The following TTLL11 variants were observed in gnomAD, a reference collection of about 807,000 sequenced individuals.
TTLL11 encodes tubulin tyrosine ligase like 11.
Under a neutral mutation model 51.7 loss-of-function variants are expected in TTLL11, and 42 were observed. The observed-to-expected ratio is 0.81, with a 90% CI of 0.64 to 1.05. The LOEUF (loss-of-function observed/expected upper bound fraction) is 1.05. TTLL11 is among the 50% of genes least tolerant of loss of function. The probability of loss-of-function intolerance (pLI) is 0.00; values close to 1 mark genes in which losing one functional copy is unlikely to be tolerated. For synonymous variants in TTLL11, 381 were observed against 383.5 expected (o/e 0.99, Z 0.08); for missense variants, 799 against 940.4 (o/e 0.85, Z 1.97).
intron 3 of TTLL11, among the ~76,000 whole-genome samples, chr9:122,027,300 T>A (rs1168427616): frequency 6.6e-6 from 1 of 152,078 alleles, no homozygotes; most frequent in Non-Finnish European, 1.5e-5. Flanking sequence ...GAATTACAAT[T>A]CAACATGAGA....
intron 6 of TTLL11, among the ~76,000 whole-genome samples, chr9:121,968,307 C>T (rs534891693): frequency 6.6e-6 from 1 of 152,288 alleles, no homozygotes; most frequent in East Asian, 1.9e-4. Context: ...ATGTTTTCCT[C>T]CTTCAGGAGC....
intron 6 of TTLL11, among the ~76,000 whole-genome samples, chr9:121,896,158 G>A (rs1201847427): frequency 6.6e-6 from 1 of 152,092 alleles, no homozygotes; most frequent in East Asian, 1.9e-4. Flanking sequence ...ATCTCTAACT[G>A]AGTAAGCAGG....
intron 6 of TTLL11, among the ~76,000 whole-genome samples, chr9:121,934,472 G>A (rs1398185254): frequency 6.6e-6 from 1 of 152,186 alleles, no homozygotes; most frequent in Non-Finnish European, 1.5e-5. Context: ...TCAAGCTCAT[G>A]GCGGCAGATA....
chr9:121,996,421 C>T (rs1460507381), intron 3 of TTLL11, among the ~76,000 whole-genome samples: 2 of 152,130 alleles, frequency 1.3e-5, no homozygotes, highest in Non-Finnish European at 2.9e-5. Flanking sequence ...TCATGACCAG[C>T]CCTTTGAGGT....
intron 4 of TTLL11, among the ~76,000 whole-genome samples, chr9:121,986,476 A>G (rs1458582940): frequency 6.6e-6 from 1 of 152,172 alleles, no homozygotes; most frequent in Non-Finnish European, 1.5e-5. Flanking sequence ...GGCTTACGTC[A>G]GGACTTGTTT....
At chr9:121,841,625 C>T (rs1481487721) in intron 8 of TTLL11, among the ~76,000 whole-genome samples, 2 of 152,128 alleles carry the variant, frequency 1.3e-5, no homozygotes, top group Admixed American at 6.5e-5. Flanking sequence ...CACATCTTTG[C>T]CCTGAGTCAC....
At chr9:121,953,665 A>AACC (rs1841928338) in intron 6 of TTLL11, among the ~76,000 whole-genome samples, 1 of 150,646 alleles carries the variant, frequency 6.6e-6, no homozygotes, top group Non-Finnish European at 1.5e-5. Flanking sequence ...GAAGAAGATT[A>AACC]ACCAAAGCAT....
chr9:122,011,977 G>A (rs1034878826), intron 3 of TTLL11, among the ~76,000 whole-genome samples: 1 of 152,140 alleles, frequency 6.6e-6, no homozygotes, highest in Non-Finnish European at 1.5e-5. Flanking sequence ...AAGGACAAGA[G>A]AATCCTTTCA....
At chr9:122,004,782 C>G (rs1843589639) in intron 3 of TTLL11, among the ~76,000 whole-genome samples, 2 of 152,228 alleles carry the variant, frequency 1.3e-5, no homozygotes, top group African/African-American at 4.8e-5. Context: ...TTCCATGACA[C>G]CACGTTGGCG....
chr9:121,830,400 G>A (rs949915000), intron 8 of TTLL11, among the ~76,000 whole-genome samples: 4 of 152,118 alleles, frequency 2.6e-5, no homozygotes, highest in South Asian at 2.1e-4. Flanking sequence ...GCTGAATCCC[G>A]CTCCTTCCCC....
intron 6 of TTLL11, among the ~76,000 whole-genome samples, chr9:121,879,791 C>T (rs1246941612): frequency 1.7e-4 from 4 of 24,074 alleles, no homozygotes; most frequent in Admixed American, 2.8e-4. Flanking sequence ...CATAGCGAGA[C>T]CCCACTTCTA....
intron 8 of TTLL11, among the ~76,000 whole-genome samples, chr9:121,844,389 A>C (rs992875897): frequency 6.6e-6 from 1 of 152,198 alleles, no homozygotes. Flanking sequence ...AGCTCCTAGA[A>C]AGATAAATAT....
At chr9:121,925,988 C>G (rs919839345) in intron 6 of TTLL11, among the ~76,000 whole-genome samples, 1 of 152,216 alleles carries the variant, frequency 6.6e-6, no homozygotes, top group African/African-American at 2.4e-5. Flanking sequence ...GAAAATCCTG[C>G]CATATCAATG....
At chr9:122,055,776 C>T (rs1845276596) in intron 1 of TTLL11, among the ~76,000 whole-genome samples, 1 of 152,222 alleles carries the variant, frequency 6.6e-6, no homozygotes, top group Non-Finnish European at 1.5e-5. Context: ...ATCATATCCT[C>T]ATTTCACAGA....
At chr9:122,010,752 C>T (rs1006742802) in intron 3 of TTLL11, among the ~76,000 whole-genome samples, 2 of 152,144 alleles carry the variant, frequency 1.3e-5, no homozygotes, top group Admixed American at 6.5e-5. Context: ...TAGGTTATTT[C>T]CAAGGTAATT....
intron 6 of TTLL11, among the ~76,000 whole-genome samples, chr9:121,933,953 G>A (rs147929398): frequency 6.6e-6 from 1 of 152,278 alleles, no homozygotes; most frequent in East Asian, 1.9e-4. Flanking sequence ...GGTCCAGCCG[G>A]GCGCTGTGGC....
At chr9:122,070,672 C>A (rs999749611) in intron 1 of TTLL11, among the ~76,000 whole-genome samples, 1 of 152,052 alleles carries the variant, frequency 6.6e-6, no homozygotes, top group Non-Finnish European at 1.5e-5. Context: ...ATGAAGGAGA[C>A]GGAAGGACAG....
At chr9:121,911,033 G>A (rs944493461) in intron 6 of TTLL11, among the ~76,000 whole-genome samples, 2 of 152,108 alleles carry the variant, frequency 1.3e-5, no homozygotes, top group African/African-American at 4.8e-5. Context: ...AATAATGATG[G>A]TCACATACTA....
intron 6 of TTLL11, among the ~76,000 whole-genome samples, chr9:121,886,325 A>C (rs1029075546): frequency 6.6e-6 from 1 of 152,244 alleles, no homozygotes; most frequent in Non-Finnish European, 1.5e-5. Context: ...GGAAAAAAAG[A>C]GTCTTTGCAG....
Sources: gnomAD v4.1 joint callset for allele counts (sites outside exome capture counted in the v4.1 genomes callset) on GRCh38, gnomAD v4.1.1 for gene constraint, MANE v1.5 for transcripts, NCBI Gene and HGNC (gene_info 2026-07-23, HGNC 2026-07-21) for gene names.